Variants in DHX37 observed in about 807,000 individuals in gnomAD.
The protein encoded by DHX37 is DEAH-box helicase 37, also known as probable ATP-dependent RNA helicase DHX37.
In DHX37, 52 loss-of-function variants were observed where a neutral mutation model predicts 134.3. The observed-to-expected ratio is 0.39, with a 90% CI of 0.31 to 0.49. The LOEUF (loss-of-function observed/expected upper bound fraction) is 0.49, where lower values mean the gene tolerates loss of function less well. DHX37 is among the 20% of genes least tolerant of loss of function. The probability of loss-of-function intolerance (pLI) is 0.93; values close to 1 mark genes in which losing one functional copy is unlikely to be tolerated. For synonymous variants in DHX37, 634 were observed against 670.7 expected (o/e 0.95, Z 0.85); for missense variants, 1,344 against 1,580.8 (o/e 0.85, Z 2.54).
At chr12:124,965,149 G>T in intron 13 of DHX37, 143 bp from the exon 14 acceptor site, 2 of 880,706 alleles carry the variant, frequency 2.3e-6, no homozygotes, top group Non-Finnish European at 3.4e-6. Context: ...CTTGGGACCA[G>T]CCAGGCCAAG....
At chr12:124,968,759 G>A (rs1017650206) in intron 9 of DHX37, 108 bp downstream of exon 9, 1 of 1,597,058 alleles carries the variant, frequency 6.3e-7, no homozygotes, top group African/African-American at 1.3e-5. Flanking sequence ...CCCCCTCCAA[G>A]CTGCTGTCAA....
chr12:124,963,102 G>A (rs2135943008), intron 15 of DHX37, among the ~76,000 whole-genome samples: 1 of 152,214 alleles, frequency 6.6e-6, no homozygotes, highest in Admixed American at 6.5e-5. Flanking sequence ...ACAACCAAAC[G>A]TCCACCAGCT....
At chr12:124,968,681 G>C (rs561344330) in intron 9 of DHX37, 33 bp from the exon 10 acceptor site, 31 of 1,613,468 alleles carry the variant, frequency 1.9e-5, no homozygotes, top group South Asian at 8.8e-5. Flanking sequence ...TGGGGAGTGG[G>C]GGGGACACGA....
chr12:124,962,683 A>G (rs1478515870), intron 15 of DHX37, among the ~76,000 whole-genome samples: 1 of 149,726 alleles, frequency 6.7e-6, no homozygotes, highest in Non-Finnish European at 1.5e-5. Flanking sequence ...AAACAAACAA[A>G]CAAATTATAT....
Position 124,975,505 on chromosome 12 carries a change from G to A in DHX37, c.894C>T (p.Asp298=), listed in dbSNP as rs1160981193. The stretch of plus-strand genomic sequence containing the variant: ...GGGGCTCCGTGACACCGATGATGCT[G>A]TCTTCACTGGGGGAGGAAGAACATG... ...FLYEAGFSSE[D]SIIGVTEPRR... is the part of the protein sequence containing the mutation. Residue 298 remains aspartate, a synonymous_variant, in exon 6 of 27, where the codon GAC becomes GAT. Coordinates refer to ENST00000308736, the MANE Select transcript of DHX37 (RefSeq NM_032656.4). The A allele has an allele frequency of 5.0e-6, 8 of 1,612,236 alleles. No individual in the cohort carries two copies. The highest frequency in any genetic ancestry group is 1.7e-5 in the Admixed American group (1 of 60,000).
chr12:124,965,893 C>T, intron 12 of DHX37, 81 bp from the exon 13 acceptor site: 1 of 1,534,088 alleles, frequency 6.5e-7, no homozygotes, highest in Middle Eastern at 1.8e-4. Flanking sequence ...GACAGGTGCC[C>T]TCGCATGGAA....
intron 2 of DHX37, among the ~76,000 whole-genome samples, chr12:124,983,045 C>A (rs1452167251): frequency 1.1e-4 from 17 of 152,132 alleles, no homozygotes; most frequent in Admixed American, 1.0e-3. Context: ...CAGTTGGCTT[C>A]TTTTAGTTGG....
rs1446332632 is a variant in DHX37, at chr12:124,954,330, T to A, written c.2454-119A>T. 5 of 1,425,784 alleles carry A rather than the reference T, an allele frequency of 3.5e-6. No homozygotes were observed. The East Asian group carries it at 9.5e-5, about 27-fold the overall frequency. 88.3% of individuals were successfully genotyped at this position (1,425,784 alleles called of 1,614,324 possible). A position where few individuals can be genotyped will look rare whatever the true frequency, so the allele number is the denominator to read the frequency against. On this transcript the variant is annotated intron_variant, in intron 18 of 26. Coordinates refer to ENST00000308736, the MANE Select transcript of DHX37 (RefSeq NM_032656.4). Reference sequence around the variant, plus strand: ...GAGGCCTTGTGGGGTCACTGATGAATGTAATTAAGGTATTAAGGTCCAGCT... The same window carrying A: ...GAGGCCTTGTGGGGTCACTGATGAAAGTAATTAAGGTATTAAGGTCCAGCT...
chr12:124,961,230 ACACACACATACACGCGTGCACGCACG>A (rs1227270728), intron 15 of DHX37, among the ~76,000 whole-genome samples: 31 of 111,770 alleles, frequency 2.8e-4, no homozygotes, highest in Middle Eastern at 4.3e-3. Flanking sequence ...ACACGCACGC[ACACACACATACACGCGTGCACGCACG>A]CACACACATA....
Position 124,949,615 on chromosome 12 carries a change from G to C in DHX37, c.3290+371C>G. ...AGCGTGTGACCTTATATGGAAAGAGGGTCACTGCAAATGTCATGAGTTAAG... is the reference window on the plus strand; with the variant it reads ...AGCGTGTGACCTTATATGGAAAGAGCGTCACTGCAAATGTCATGAGTTAAG... On this transcript the variant is annotated intron_variant, in intron 25 of 26. Transcript: ENST00000308736. This position sits in a 1 kb window ranked among gnomAD's most constrained non-coding sequence, Gnocchi z 4.0. Among the ~76,000 whole-genome samples the C allele has an allele frequency of 6.6e-6, 1 of 152,138 alleles. No individual in the cohort carries two copies. The highest frequency in any genetic ancestry group is 6.6e-5 in the Admixed American group (1 of 15,264).
intron 7 of DHX37, 145 bp from the exon 8 acceptor site, chr12:124,971,560 C>G: frequency 7.4e-7 from 1 of 1,347,410 alleles, no homozygotes; most frequent in South Asian, 1.4e-5. Flanking sequence ...CTCAGATGCC[C>G]GCAGAGTGGG....
intron 20 of DHX37, 67 bp downstream of exon 20, chr12:124,953,813 T>A (rs1306090276): frequency 3.8e-6 from 6 of 1,577,828 alleles, no homozygotes; most frequent in Non-Finnish European, 4.3e-6. Flanking sequence ...ATCACTTTTT[T>A]AAACATTTCA....
At chr12:124,959,924 G>A (rs1448145847) in intron 16 of DHX37, among the ~76,000 whole-genome samples, 1 of 152,204 alleles carries the variant, frequency 6.6e-6, no homozygotes, top group Non-Finnish European at 1.5e-5. Context: ...GGCACTGCCT[G>A]GCTTAGCCTG....
rs1389788993 is a variant in DHX37 at position 124,964,531 on chromosome 12, C to T, written c.1908G>A (p.Val636=). 1.9e-6 allele frequency: 3 copies of T among 1,613,810 alleles called. No individual in the cohort carries two copies. The Admixed American group carries it at 5.0e-5, about 27-fold the overall frequency. ...AGCGTTTCTTGACCTTCCCACAGTC[C>T]ACCACGTACTTGATGCCAGGGATGG... ...SLTIPGIKYV[V]DCGKVKKRYY... The change falls in exon 15 of 27, where the codon GTG becomes GTA. Residue 636 remains valine (V), a synonymous_variant. Coordinates refer to ENST00000308736, the MANE Select transcript of DHX37 (RefSeq NM_032656.4).
chr12:124,977,063 G>GA (rs1396918215), intron 5 of DHX37, among the ~76,000 whole-genome samples: 1 of 150,322 alleles, frequency 6.7e-6, no homozygotes, highest in Non-Finnish European at 1.5e-5. Context: ...AAAAAAAAAG[G>GA]AAAAAAGAAA....
chr12:124,951,505 T>C (rs1006096587), intron 21 of DHX37, among the ~76,000 whole-genome samples: 3 of 152,148 alleles, frequency 2.0e-5, no homozygotes, highest in Non-Finnish European at 4.4e-5. Flanking sequence ...GGTTTCTTTG[T>C]TGGGTAATAA....
At chr12:124,954,871 T>C (rs1954060502) in intron 18 of DHX37, among the ~76,000 whole-genome samples, 1 of 152,246 alleles carries the variant, frequency 6.6e-6, no homozygotes, top group South Asian at 2.1e-4. Flanking sequence ...CATTTAATTC[T>C]ACCAACAATC....
intron 22 of DHX37, 58 bp from the exon 23 acceptor site, chr12:124,950,608 C>A: frequency 6.4e-7 from 1 of 1,555,942 alleles, no homozygotes; most frequent in Non-Finnish European, 8.7e-7. Context: ...GAGGGGCTGC[C>A]ATGCCTCTGC....
chr12:124,969,042 G>T, intron 8 of DHX37, 74 bp from the exon 9 acceptor site: 2 of 1,440,648 alleles, frequency 1.4e-6, no homozygotes, highest in Non-Finnish European at 1.9e-6. Flanking sequence ...ATCGGCATGG[G>T]GGTGCCCTGC....
Sources: allele counts gnomAD v4.1 joint callset (sites outside exome capture counted in the v4.1 genomes callset), GRCh38; gene constraint gnomAD v4.1.1; non-coding constraint Gnocchi (gnomAD v3.1); transcripts MANE v1.5; gene names NCBI Gene and HGNC (gene_info 2026-07-23, HGNC 2026-07-21).